RIMKLB: variants seen among roughly 807,000 people sequenced by gnomAD.
RIMKLB encodes beta-citrylglutamate synthase B.
RIMKLB carries 7 observed loss-of-function variants against 32.0 expected under a neutral mutation model. That is an observed-to-expected ratio of 0.22 (90% CI 0.12 to 0.41). The LOEUF (loss-of-function observed/expected upper bound fraction) is 0.41, where lower values mean the gene tolerates loss of function less well. Ranked by LOEUF, RIMKLB falls within the 10% of genes least tolerant of loss-of-function variation. RIMKLB has a pLI of 1.00. For missense variants in RIMKLB, 289 were observed against 498.7 expected, an observed-to-expected ratio of 0.58 and a Z score of 4.00; for synonymous variants, 172 against 185.1, an observed-to-expected ratio of 0.93 and a Z score of 0.57.
chr12:8,769,191 T>C (rs1374481036), intron 5 of RIMKLB, among the ~76,000 whole-genome samples: 1 of 152,212 alleles, frequency 6.6e-6, no homozygotes, highest in Non-Finnish European at 1.5e-5. Context: ...TAGTTAATAT[T>C]CTTTTGGCTA....
chr12:8,764,392 T>C (rs1386744634), intron 5 of RIMKLB, among the ~76,000 whole-genome samples: 1 of 152,176 alleles, frequency 6.6e-6, no homozygotes, highest in Admixed American at 6.5e-5. Context: ...AGAATGTCTC[T>C]CCCTAACAAG....
chr12:8,757,541 A>T (rs921432269), intron 5 of RIMKLB, among the ~76,000 whole-genome samples: 1 of 151,652 alleles, frequency 6.6e-6, no homozygotes, highest in Non-Finnish European at 1.5e-5. Flanking sequence ...ATTCCTTTGC[A>T]CCCATTAACC....
chr12:8,777,663 C>A (rs1270580245), downstream of RIMKLB: 1 of 1,289,280 alleles, frequency 7.8e-7, no homozygotes, highest in South Asian at 1.2e-5. Context: ...CTTCTTCCCC[C>A]TTCCTGATGA....
chr12:8,732,616 T>C (rs1209159286), intron 2 of RIMKLB, among the ~76,000 whole-genome samples: 1 of 152,198 alleles, frequency 6.6e-6, no homozygotes, highest in African/African-American at 2.4e-5. Context: ...ATAACTATTG[T>C]ATGCGTATCC....
At chr12:8,746,463 T>C (rs1259085393) in intron 2 of RIMKLB, among the ~76,000 whole-genome samples, 1 of 151,290 alleles carries the variant, frequency 6.6e-6, no homozygotes, top group Non-Finnish European at 1.5e-5. Context: ...CCGGGCGCGG[T>C]GGTGCATGCC....
intron 5 of RIMKLB, among the ~76,000 whole-genome samples, chr12:8,765,197 T>G (rs1437373189): frequency 6.6e-6 from 1 of 152,114 alleles, no homozygotes; most frequent in Non-Finnish European, 1.5e-5. Flanking sequence ...AGTAGGATTT[T>G]CTTCCTTTCC....
At chr12:8,702,507 C>G (rs1360029008) in intron 1 of RIMKLB, among the ~76,000 whole-genome samples, 1 of 151,752 alleles carries the variant, frequency 6.6e-6, no homozygotes, top group Non-Finnish European at 1.5e-5. Context: ...TTTTTTCCTT[C>G]TGATACTAGC....
intron 4 of RIMKLB, among the ~76,000 whole-genome samples, chr12:8,752,628 C>T (rs1298342247): frequency 2.0e-5 from 3 of 152,152 alleles, no homozygotes. Flanking sequence ...AGTTTGAAGA[C>T]TTAAATGCGT....
chr12:8,736,912 G>T (rs1947060455), intron 2 of RIMKLB, among the ~76,000 whole-genome samples: 1 of 152,072 alleles, frequency 6.6e-6, no homozygotes, highest in African/African-American at 2.4e-5. Context: ...CCCGCGTTCA[G>T]GCAGTTCTCC....
chr12:8,720,360 C>T lies in RIMKLB; in HGVS notation c.175+6319C>T, dbSNP rs770104403. Among the ~76,000 whole-genome samples the T allele has an allele frequency of 3.2e-4, 48 of 152,258 alleles. 1 individual carries two copies. In the South Asian group the frequency reaches 4.3e-3, roughly 14 times the overall value. On this transcript the variant is annotated intron_variant, in intron 2 of 5. Coordinates refer to ENST00000535829, the MANE Select transcript of RIMKLB (RefSeq NM_001297776.2). Reference sequence around the variant, plus strand: ...CATACTTTTGAGTTCAATCTTTTGACGCTTAGTGGTCAACTAATATTTGAG... The same window carrying T: ...CATACTTTTGAGTTCAATCTTTTGATGCTTAGTGGTCAACTAATATTTGAG...
At chr12:8,723,809 T>TTG (rs1945710329) in intron 2 of RIMKLB, among the ~76,000 whole-genome samples, 1 of 133,522 alleles carries the variant, frequency 7.5e-6, no homozygotes, top group Non-Finnish European at 1.6e-5. Context: ...GTTCCCTTTT[T>TTG]TTTTTTTTTT....
chr12:8,711,790 C>G (rs1000563911), intron 1 of RIMKLB, among the ~76,000 whole-genome samples: 8 of 152,086 alleles, frequency 5.3e-5, no homozygotes, highest in African/African-American at 1.9e-4. Context: ...TGAGACCTTC[C>G]CAAGTGGCCT....
At chr12:8,777,215 C>CTTTTTTT (rs35828763), downstream of RIMKLB, 1,107 of 702,576 alleles carry the variant, frequency 1.6e-3, 1 homozygote, top group Non-Finnish European at 1.6e-3. Context: ...TGCTTGCTTT[C>CTTTTTTT]TTTTTTTTTT....
downstream of RIMKLB, chr12:8,777,516 T>C: frequency 8.4e-7 from 1 of 1,195,860 alleles, no homozygotes; most frequent in East Asian, 6.3e-5. Context: ...TTGAAGATCC[T>C]TAATGTTTTG....
chr12:8,678,315 C>T (rs937844844), upstream of RIMKLB, among the ~76,000 whole-genome samples: 126 of 151,012 alleles, frequency 8.3e-4, 1 homozygote, highest in African/African-American at 2.8e-3. Flanking sequence ...CACACCTGGC[C>T]GGTCTTTCTT....
upstream of RIMKLB, among the ~76,000 whole-genome samples, chr12:8,694,387 A>T (rs1394719213): frequency 1.0e-4 from 12 of 119,084 alleles, no homozygotes; most frequent in Non-Finnish European, 1.7e-4. Flanking sequence ...ATCCTGTTGA[A>T]TTTTTTTTCT....
the RIMKLB span, among the ~76,000 whole-genome samples, chr12:8,673,968 C>T: frequency 7.2e-5 from 11 of 152,066 alleles, no homozygotes; most frequent in Non-Finnish European, 1.2e-4. Flanking sequence ...TCCTAAGGCA[C>T]AGTCTCAGAA....
At chr12:8,706,567 C>G (rs1943901211) in intron 1 of RIMKLB, among the ~76,000 whole-genome samples, 1 of 151,552 alleles carries the variant, frequency 6.6e-6, no homozygotes, top group Non-Finnish European at 1.5e-5. Context: ...TCTCCTGGCT[C>G]AGCCTCCTGA....
At chr12:8,692,919 T>G (rs1018470554), upstream of RIMKLB, among the ~76,000 whole-genome samples, 2 of 152,236 alleles carry the variant, frequency 1.3e-5, no homozygotes, top group African/African-American at 4.8e-5. Flanking sequence ...CAACCACCTT[T>G]TCTCCAGCCA....
Sources: gnomAD v4.1 joint callset for allele counts (sites outside exome capture counted in the v4.1 genomes callset) on GRCh38, gnomAD v4.1.1 for gene constraint, MANE v1.5 for transcripts, NCBI Gene and HGNC (gene_info 2026-07-23, HGNC 2026-07-21) for gene names.